Variants in BMP2K observed in about 807,000 individuals in gnomAD.
BMP2K encodes BMP-2-inducible protein kinase.
Under a neutral mutation model 116.0 loss-of-function variants are expected in BMP2K, and 74 were observed. The ratio of observed to expected loss-of-function variants is 0.64; its 90% confidence interval spans 0.53 to 0.77. The LOEUF (loss-of-function observed/expected upper bound fraction) is 0.77. Among genes scored for constraint, BMP2K ranks in the 30% least tolerant of loss-of-function variants. The pLI, the probability that BMP2K is intolerant of heterozygous loss-of-function variation, is 0.00. For missense variants in BMP2K, 1,365 were observed against 1,403.6 expected, an observed-to-expected ratio of 0.97 and a Z score of 0.44; for synonymous variants, 486 against 502.5, an observed-to-expected ratio of 0.97 and a Z score of 0.44.
In BMP2K at chr4:78,915,012, G is replaced by A. The variant is rs953019239; in HGVS notation, c.*2979G>A. ...TCAGCTTTTTATGGCATTGAAGAAT[G>A]TATCTGCTAAGACACAAAAATTGCA... On this transcript the variant is annotated 3_prime_UTR_variant, in exon 16 of 16. Coordinates refer to ENST00000502613, the MANE Select transcript of BMP2K (RefSeq NM_198892.2). 6.6e-6 allele frequency: 1 copy of A among 151,984 alleles called. No individual in the cohort carries two copies. The highest frequency in any genetic ancestry group is 2.4e-5 in the African/African-American group (1 of 41,408). 9.4% of individuals were successfully genotyped at this position (151,984 alleles called of 1,614,324 possible).
chr4:78,842,581 C>T, intron 4 of BMP2K, 54 bp downstream of exon 4: 1 of 1,456,988 alleles, frequency 6.9e-7, no homozygotes, highest in South Asian at 1.5e-5. Flanking sequence ...TTAAAATGTT[C>T]TTGGAGTATT....
intron 1 of BMP2K, among the ~76,000 whole-genome samples, chr4:78,802,364 A>G (rs1248212730): frequency 6.6e-6 from 1 of 152,212 alleles, no homozygotes; most frequent in Admixed American, 6.5e-5. Context: ...TATTTTGTCC[A>G]GAATTTTAAA....
intron 14 of BMP2K, among the ~76,000 whole-genome samples, chr4:78,885,982 T>C (rs1733058081): frequency 6.6e-6 from 1 of 152,298 alleles, no homozygotes; most frequent in Middle Eastern, 3.4e-3. Context: ...AATGTGTTAT[T>C]GACTGTTATA....
At chr4:78,884,861 G>A (rs1021103557) in intron 14 of BMP2K, among the ~76,000 whole-genome samples, 4 of 152,250 alleles carry the variant, frequency 2.6e-5, no homozygotes, top group Middle Eastern at 3.4e-3. Context: ...GGGACCCTTC[G>A]TTATATAAAT....
intron 13 of BMP2K, among the ~76,000 whole-genome samples, chr4:78,877,219 T>A (rs1002181005): frequency 3.3e-5 from 5 of 152,054 alleles, no homozygotes; most frequent in Admixed American, 6.6e-5. Flanking sequence ...CACACTAAAT[T>A]TATATAAAAT....
At chr4:78,799,876 A>C (rs1276045989) in intron 1 of BMP2K, among the ~76,000 whole-genome samples, 6 of 152,204 alleles carry the variant, frequency 3.9e-5, no homozygotes, top group African/African-American at 1.2e-4. Flanking sequence ...GGTCTGGCCA[A>C]GTTACTGGAA....
At chr4:78,797,352 T>C (rs1210703397) in intron 1 of BMP2K, among the ~76,000 whole-genome samples, 6 of 152,162 alleles carry the variant, frequency 3.9e-5, no homozygotes, top group Non-Finnish European at 8.8e-5. Flanking sequence ...ATTATGAATA[T>C]CTGCTTTGTT....
chr4:78,899,828 G>A (rs1269078888), intron 15 of BMP2K, among the ~76,000 whole-genome samples: 1 of 152,126 alleles, frequency 6.6e-6, no homozygotes, highest in African/African-American at 2.4e-5. Flanking sequence ...GTGAATGAGA[G>A]TTGAAGAAGT....
Position 78,911,629 on chromosome 4 carries a change from G to A in BMP2K, c.3082G>A (p.Asp1028Asn). 1 of 1,613,978 alleles carries A rather than the reference G, an allele frequency of 6.2e-7. No homozygotes were observed. The highest frequency in any genetic ancestry group is 8.5e-7 in the Non-Finnish European group (1 of 1,179,884). The change falls in exon 16 of 16, where the codon GAC becomes AAC. Residue 1028 changes from aspartate to asparagine, a missense_variant. Asp to Asn is a conservative substitution (Grantham distance 23). Transcript: ENST00000502613. ...CAGGCACAAAAAAGTGGGCCGCCGA[G>A]ACTCTCAAAGTAGCAATGAATTTTT... ...ARRHKKVGRR[D>N]SQSSNEFLTI...
chr4:78,811,363 T>G (rs1356776935), intron 1 of BMP2K, among the ~76,000 whole-genome samples: 1 of 152,248 alleles, frequency 6.6e-6, no homozygotes, highest in Non-Finnish European at 1.5e-5. Context: ...ATATGCTTTC[T>G]ACTAATTGTG....
chr4:78,818,066 C>T (rs1469983338), intron 1 of BMP2K, among the ~76,000 whole-genome samples: 1 of 152,030 alleles, frequency 6.6e-6, no homozygotes, highest in African/African-American at 2.4e-5. Context: ...TATTGAATTG[C>T]TGTTCCATTA....
chr4:78,893,484 C>T (rs1432874305), intron 15 of BMP2K, among the ~76,000 whole-genome samples: 1 of 152,164 alleles, frequency 6.6e-6, no homozygotes, highest in Non-Finnish European at 1.5e-5. Flanking sequence ...GAATTCTTTT[C>T]AGGTTTTCAG....
At chr4:78,909,736 T>C (rs532576595) in intron 15 of BMP2K, among the ~76,000 whole-genome samples, 70 of 152,334 alleles carry the variant, frequency 4.6e-4, no homozygotes, top group Non-Finnish European at 8.7e-4. Flanking sequence ...CCCATTTCCC[T>C]GCTGTCCTTT....
intron 7 of BMP2K, among the ~76,000 whole-genome samples, chr4:78,858,793 A>C (rs1273843227): frequency 1.3e-5 from 2 of 151,968 alleles, no homozygotes; most frequent in Non-Finnish European, 2.9e-5. Flanking sequence ...GAGTTAATGA[A>C]GCAGAGGTAG....
Position 78,842,545 on chromosome 4 carries a change from C to T in BMP2K, c.546+18C>T, listed in dbSNP as rs751741371. 1.3e-6 allele frequency: 2 copies of T among 1,542,348 alleles called. No homozygotes were observed. The highest frequency in any genetic ancestry group is 1.4e-5 in the African/African-American group (1 of 73,506). On this transcript the variant is annotated intron_variant, in intron 4 of 15. Transcript: ENST00000502613. ...ATCTGAAGGTAAGAACTTTAGAATT[C>T]CTATGGATTAAGTAATAAGTTGGAG...
chr4:78,847,406 G>C (rs945207329), intron 6 of BMP2K, 137 bp downstream of exon 6: 7 of 425,624 alleles, frequency 1.6e-5, no homozygotes, highest in Non-Finnish European at 2.4e-5. Flanking sequence ...CTTCTTACTT[G>C]GGAGAAGAAA....
intron 1 of BMP2K, among the ~76,000 whole-genome samples, chr4:78,819,402 T>C (rs919559305): frequency 6.6e-6 from 1 of 152,196 alleles, no homozygotes; most frequent in Admixed American, 6.5e-5. Flanking sequence ...TTAGTAGTAG[T>C]TACAAAAGCT....
rs773407593 is a variant in BMP2K at position 78,887,275 on chromosome 4, T to C, written c.2053T>C (p.Ser685Pro). 1.7e-5 allele frequency: 28 copies of C among 1,604,648 alleles called. No individual in the cohort carries two copies. Among genetic ancestry groups the C allele is most frequent in the Non-Finnish European group, 2.3e-5 (27 of 1,174,536 alleles). The part of the protein sequence containing the change: ...EDPFGSVPFI[S>P]HSGSPEKKAE... ...TCCTTTTGGTTCTGTTCCTTTCATT[T>C]CTCATTCAGGCAAGTTACACATGTA... is the stretch of plus-strand genomic sequence containing the variant. Residue 685 changes from serine (S) to proline (P), a missense_variant, in exon 15 of 16, where the codon TCT becomes CCT. This residue lies in a region of BMP2K where 596 missense variants were observed against 623.2 expected (regional missense o/e 0.96). Coordinates refer to ENST00000502613, the MANE Select transcript of BMP2K (RefSeq NM_198892.2).
intron 1 of BMP2K, among the ~76,000 whole-genome samples, chr4:78,783,259 C>G (rs1157991913): frequency 6.6e-6 from 1 of 152,060 alleles, no homozygotes; most frequent in Non-Finnish European, 1.5e-5. Context: ...TATGATTTCA[C>G]TATAAAATGG....
Sources: allele counts gnomAD v4.1 joint callset (sites outside exome capture counted in the v4.1 genomes callset), GRCh38; gene constraint gnomAD v4.1.1; regional missense constraint gnomAD v4.1.1; transcripts MANE v1.5; gene names NCBI Gene and HGNC (gene_info 2026-07-23, HGNC 2026-07-21).